DIAPH2: variants seen among roughly 807,000 people sequenced by gnomAD.
The protein encoded by DIAPH2 is protein diaphanous homolog 2.
A neutral mutation model predicts 92.7 loss-of-function variants in DIAPH2; 35 were observed. The ratio of observed to expected loss-of-function variants is 0.38; its 90% confidence interval spans 0.29 to 0.50. DIAPH2 has a LOEUF of 0.50. DIAPH2 is among the 20% of genes least tolerant of loss of function. DIAPH2 has a pLI of 0.94. For synonymous variants in DIAPH2, 301 were observed against 280.4 expected (o/e 1.07, Z -0.73); for missense variants, 701 against 819.5 (o/e 0.86, Z 1.77).
intron 23 of DIAPH2, among the ~76,000 whole-genome samples, chrX:97,335,452 T>C (rs185504727): frequency 1.8e-4 from 20 of 112,023 alleles, no homozygotes; most frequent in African/African-American, 6.2e-4. Context: ...CCTTATCTAA[T>C]TAACATCTGT....
chrX:96,907,899 T>C (rs2065443526), intron 5 of DIAPH2, among the ~76,000 whole-genome samples: 1 of 111,919 alleles, frequency 8.9e-6, no homozygotes, highest in African/African-American at 3.2e-5. Flanking sequence ...AAATAATTAA[T>C]AGATAAACAA....
chrX:97,145,298 A>AGTAGTAGTAGTAGTAGTG (rs2067237923), intron 22 of DIAPH2, among the ~76,000 whole-genome samples: 1 of 104,283 alleles, frequency 9.6e-6, no homozygotes, highest in African/African-American at 3.5e-5. Context: ...TAGTAGTAGT[A>AGTAGTAGTAGTAGTAGTG]GTAGTAGTAG....
intron 23 of DIAPH2, among the ~76,000 whole-genome samples, chrX:97,292,376 G>C (rs779443276): frequency 9.0e-6 from 1 of 110,907 alleles, no homozygotes; most frequent in South Asian, 3.8e-4. Flanking sequence ...ATTGTCTACT[G>C]TGTTTTCAAA....
intron 26 of DIAPH2, among the ~76,000 whole-genome samples, chrX:97,446,328 T>C (rs998257353): frequency 8.0e-5 from 9 of 112,023 alleles, no homozygotes; most frequent in African/African-American, 2.9e-4. Flanking sequence ...GTGAATGTGT[T>C]TAATGAAAAG....
chrX:97,226,954 G>T (rs1000316615), intron 22 of DIAPH2, among the ~76,000 whole-genome samples: 1 of 111,111 alleles, frequency 9.0e-6, no homozygotes, highest in Non-Finnish European at 1.9e-5. Context: ...GCACTGAATG[G>T]AGTATTCTGA....
At chrX:97,324,835 C>G (rs1020587588) in intron 23 of DIAPH2, among the ~76,000 whole-genome samples, 7 of 110,828 alleles carry the variant, frequency 6.3e-5, no homozygotes, top group Non-Finnish European at 9.4e-5. Context: ...CTCTCTTGCT[C>G]TATCGCCCAG....
Position 96,854,632 on chromosome X carries a change from T to TGG in DIAPH2, c.448-26947_448-26946insGG, listed in dbSNP as rs1167266528. On this transcript the variant is annotated intron_variant, in intron 4 of 26. Transcript: ENST00000324765. ...ATATATATATATATATATATATATA[T>TGG]ATATATATATCCATCTGATAGCCAA... is the stretch of plus-strand genomic sequence containing the variant. Among the ~76,000 whole-genome samples the TGG allele has an allele frequency of 4.9e-5, 4 of 81,064 alleles. 1 individual carries two copies. In the Admixed American group the frequency reaches 5.6e-4, roughly 11 times the overall value. The allele number at this position is 81,064 out of a possible 115,157, so 70.4% of individuals were successfully genotyped here.
At chrX:96,806,674 A>AAAAAAC in intron 4 of DIAPH2, among the ~76,000 whole-genome samples, 1 of 103,253 alleles carries the variant, frequency 9.7e-6, no homozygotes, top group Non-Finnish European at 2.0e-5. Context: ...AGAAACAAAG[A>AAAAAAC]AATTATATTT....
At chrX:97,357,767 G>A (rs750777994) in intron 24 of DIAPH2, among the ~76,000 whole-genome samples, 1 of 111,722 alleles carries the variant, frequency 9.0e-6, no homozygotes, top group Non-Finnish European at 1.9e-5. Context: ...ACATTCTAGT[G>A]GGAAAGGCAG....
chrX:96,882,685 G>A (rs945265253), intron 5 of DIAPH2, among the ~76,000 whole-genome samples: 5 of 109,794 alleles, frequency 4.6e-5, no homozygotes, highest in Non-Finnish European at 7.6e-5. Context: ...GGCCGGGCGT[G>A]GGGGCTCACA....
chrX:97,516,037 A>G (rs1050838835), intron 26 of DIAPH2, among the ~76,000 whole-genome samples: 4 of 110,718 alleles, frequency 3.6e-5, no homozygotes, highest in Non-Finnish European at 7.6e-5. Flanking sequence ...GCGGATCATG[A>G]GGTCAGGAGT....
At chrX:97,411,363 T>C (rs1274801097) in intron 25 of DIAPH2, among the ~76,000 whole-genome samples, 2 of 111,988 alleles carry the variant, frequency 1.8e-5, no homozygotes, top group Non-Finnish European at 3.8e-5. Flanking sequence ...TGAGAGATTG[T>C]GTCACCACCA....
intron 4 of DIAPH2, among the ~76,000 whole-genome samples, chrX:96,785,574 C>T (rs1415405464): frequency 3.1e-5 from 3 of 95,790 alleles, no homozygotes; most frequent in African/African-American, 1.2e-4. Flanking sequence ...TGGGTTCAAG[C>T]GATTCTCCTG....
intron 22 of DIAPH2, among the ~76,000 whole-genome samples, chrX:97,245,337 A>G (rs1246777664): frequency 3.6e-5 from 4 of 109,838 alleles, no homozygotes; most frequent in Admixed American, 2.0e-4. Context: ...TATTTAAGGC[A>G]GGGTCTCACT....
chrX:97,025,341 C>A (rs2066324738), intron 17 of DIAPH2, among the ~76,000 whole-genome samples: 1 of 107,889 alleles, frequency 9.3e-6, no homozygotes, highest in Admixed American at 1.0e-4. Context: ...CAAAGCAAGA[C>A]TCTGTCTCAC....
intron 23 of DIAPH2, 145 bp downstream of exon 23, chrX:97,247,984 A>G: frequency 1.9e-6 from 1 of 531,672 alleles, no homozygotes; most frequent in Middle Eastern, 5.4e-4. Flanking sequence ...TATTAGTAGC[A>G]TAAATTTTGT....
intron 25 of DIAPH2, among the ~76,000 whole-genome samples, chrX:97,411,644 T>C (rs989293029): frequency 8.9e-6 from 1 of 112,022 alleles, no homozygotes; most frequent in Non-Finnish European, 1.9e-5. Context: ...CAGTGTGCTA[T>C]ATTCAGGAGA....
chrX:97,058,677 CT>C (rs983129275), intron 17 of DIAPH2, among the ~76,000 whole-genome samples: 1 of 110,648 alleles, frequency 9.0e-6, no homozygotes, highest in African/African-American at 3.3e-5. Context: ...ACTACTTAGG[CT>C]TTAGTTACAC....
chrX:97,433,851 A>T (rs1193050038), intron 26 of DIAPH2, among the ~76,000 whole-genome samples: 1 of 112,258 alleles, frequency 8.9e-6, no homozygotes, highest in African/African-American at 3.2e-5. Context: ...GAAGATAATA[A>T]GTATCATACA....
Sources: allele counts gnomAD v4.1 joint callset (sites outside exome capture counted in the v4.1 genomes callset), GRCh38; gene constraint gnomAD v4.1.1; transcripts MANE v1.5; gene names NCBI Gene and HGNC (gene_info 2026-07-23, HGNC 2026-07-21).